The following NSL1 variants were observed in gnomAD, a reference collection of about 807,000 sequenced individuals.
The protein encoded by NSL1 is kinetochore-associated protein NSL1 homolog.
A neutral mutation model predicts 25.4 loss-of-function variants in NSL1; 11 were observed. The observed-to-expected ratio is 0.43, with a 90% CI of 0.27 to 0.72. The LOEUF (loss-of-function observed/expected upper bound fraction) is 0.72. Ranked by LOEUF, NSL1 falls within the 30% of genes least tolerant of loss-of-function variation. NSL1 has a pLI of 0.19. For synonymous variants in NSL1, 118 were observed against 120.6 expected, an observed-to-expected ratio of 0.98 and a Z score of 0.14; for missense variants, 330 against 342.7, an observed-to-expected ratio of 0.96 and a Z score of 0.29.
At chr1:212,787,265 G>A (rs1332119791) in intron 2 of NSL1, among the ~76,000 whole-genome samples, 1 of 152,040 alleles carries the variant, frequency 6.6e-6, no homozygotes, top group Non-Finnish European at 1.5e-5. Flanking sequence ...ACTTTTAAGG[G>A]TACTTCACTA....
chr1:212,726,284 A>G lies in NSL1; in HGVS notation c.*12124T>C, dbSNP rs1657781977. ...CTCTCTGGAAGAAAATGAAAGGATC[A>G]GATGTCCCCCATAAACAACTACTCT... On this transcript the variant is annotated 3_prime_UTR_variant, in exon 6 of 6. Transcript: ENST00000366977. The G allele has an allele frequency of 6.6e-6, 1 of 152,252 alleles. No homozygotes were observed. The highest frequency in any genetic ancestry group is 2.4e-5 in the African/African-American group (1 of 41,460). 9.4% of individuals were successfully genotyped at this position (152,252 alleles called of 1,614,324 possible). A position where few individuals can be genotyped will look rare whatever the true frequency, so the allele number is the denominator to read the frequency against.
intron 4 of NSL1, among the ~76,000 whole-genome samples, chr1:212,771,956 T>G (rs1395260530): frequency 1.3e-5 from 2 of 152,162 alleles, no homozygotes; most frequent in Non-Finnish European, 2.9e-5. Flanking sequence ...TGGTGGGAGA[T>G]AATTGAATCA....
chr1:212,747,128 CAAAA>C (rs138411233), intron 4 of NSL1, among the ~76,000 whole-genome samples: 5 of 128,246 alleles, frequency 3.9e-5, no homozygotes, highest in Admixed American at 7.6e-5. Context: ...GGCGACAGAG[CAAAA>C]AAAAAAAAAA....
chr1:212,779,418 C>T (rs1486056747), intron 4 of NSL1, among the ~76,000 whole-genome samples: 50 of 115,908 alleles, frequency 4.3e-4, no homozygotes, highest in African/African-American at 5.2e-4. Flanking sequence ...CCGCCCCGTC[C>T]GGGAGGTGAG....
At position 212,761,971 on chromosome 1, in the gene NSL1, T is replaced by TAA. The variant is rs34216305; in HGVS notation, c.499+20399_499+20400dup. Among the ~76,000 whole-genome samples the TAA allele has an allele frequency of 1.4e-4, 15 of 105,656 alleles. No individual in the cohort carries two copies. The East Asian group carries it at 1.6e-3, about 11-fold the overall frequency. 69.3% of individuals were successfully genotyped at this position (105,656 alleles called of 152,430 possible). ...GTAACACTAATGACAGCTGATGAGC[T>TAA]AAAAAAAAAAAAAAAAAAAAAAATC... is the stretch of plus-strand genomic sequence containing the variant. On this transcript the variant is annotated intron_variant, in intron 4 of 5. Coordinates refer to ENST00000366977, the MANE Select transcript of NSL1 (RefSeq NM_015471.4).
In NSL1 at chr1:212,737,638, A is replaced by G; in HGVS notation, c.*770T>C. 1 of 947,014 alleles carries G rather than the reference A, an allele frequency of 1.1e-6. No individual in the cohort carries two copies. Among genetic ancestry groups the G allele is most frequent in the South Asian group, 4.9e-5 (1 of 20,526 alleles). 58.7% of individuals were successfully genotyped at this position (947,014 alleles called of 1,614,324 possible). A position where few individuals can be genotyped will look rare whatever the true frequency, so the allele number is the denominator to read the frequency against. On this transcript the variant is annotated 3_prime_UTR_variant, in exon 6 of 6. Transcript: ENST00000366977. ...CTTTGCCAGTGTATTAATCTGATATATATTTTGAACTGGAATGATTTGTAA... is the reference window on the plus strand; with the variant it reads ...CTTTGCCAGTGTATTAATCTGATATGTATTTTGAACTGGAATGATTTGTAA...
At chr1:212,772,621 G>A (rs1421108605) in intron 4 of NSL1, among the ~76,000 whole-genome samples, 2 of 152,110 alleles carry the variant, frequency 1.3e-5, no homozygotes, top group African/African-American at 4.8e-5. Flanking sequence ...AGGTTGCAGT[G>A]AGCTGAGACT....
In NSL1 at chr1:212,727,079, C is replaced by G. The variant is rs930488241; in HGVS notation, c.*11329G>C. ...CGGGCTCTGGGTCACCCAGCTTCATCCTCTTCATCTTGCCAGTTCACCAGA... is the reference window on the plus strand; with the variant it reads ...CGGGCTCTGGGTCACCCAGCTTCATGCTCTTCATCTTGCCAGTTCACCAGA... On this transcript the variant is annotated 3_prime_UTR_variant, in exon 6 of 6. Transcript: ENST00000366977. 9.3e-5 allele frequency: 138 copies of G among 1,478,598 alleles called. No individual in the cohort carries two copies. Among genetic ancestry groups the G allele is most frequent in the Admixed American group, 8.6e-5 (4 of 46,750 alleles). The allele number at this position is 1,478,598 out of a possible 1,614,324, so 91.6% of individuals were successfully genotyped here.
intron 4 of NSL1, among the ~76,000 whole-genome samples, chr1:212,755,435 A>G (rs1319934213): frequency 6.6e-6 from 1 of 151,766 alleles, no homozygotes; most frequent in Admixed American, 6.6e-5. Flanking sequence ...AAAAACAAAA[A>G]TACATATATA....
At chr1:212,779,342 GC>G (rs1179914670) in intron 4 of NSL1, among the ~76,000 whole-genome samples, 3 of 138,278 alleles carry the variant, frequency 2.2e-5, no homozygotes, top group South Asian at 2.3e-4. Flanking sequence ...GGGGGGGTCA[GC>G]CCCCCTCCCG....
chr1:212,791,486 G>A (rs1363924827), intron 1 of NSL1, 44 bp downstream of exon 1: 6 of 1,530,892 alleles, frequency 3.9e-6, no homozygotes, highest in Non-Finnish European at 5.4e-6. Flanking sequence ...CTGGGTGTTG[G>A]GTAAGAGGAT....
Position 212,728,909 on chromosome 1 carries a change from G to A in NSL1, c.*9499C>T. On this transcript the variant is annotated 3_prime_UTR_variant, in exon 6 of 6. Transcript: ENST00000366977. ...GGCCAGAGTCCACCACTCTGGCAAA[G>A]AGCAGTGTTTATTTGTGTGTTTGAA... 1.0e-6 allele frequency: 1 copy of A among 985,378 alleles called. No homozygotes were observed. The highest frequency in any genetic ancestry group is 1.7e-5 in the African/African-American group (1 of 57,344). 61.0% of individuals were successfully genotyped at this position (985,378 alleles called of 1,614,324 possible).
In NSL1 at chr1:212,730,887, T is replaced by G; in HGVS notation, c.*7521A>C. On this transcript the variant is annotated 3_prime_UTR_variant, in exon 6 of 6. Transcript: ENST00000366977. Reference sequence around the variant, plus strand: ...AATGAATATAAATGCCACAAGCCATTAATGTGTGAGATTGTGATCCAGGGA... The same window carrying G: ...AATGAATATAAATGCCACAAGCCATGAATGTGTGAGATTGTGATCCAGGGA... 1 of 985,414 alleles carries G rather than the reference T, an allele frequency of 1.0e-6. No individual in the cohort carries two copies. Among genetic ancestry groups the G allele is most frequent in the Non-Finnish European group, 1.2e-6 (1 of 829,918 alleles). The allele number at this position is 985,414 out of a possible 1,614,324, so 61.0% of individuals were successfully genotyped here.
chr1:212,750,223 T>G (rs1014086979), intron 4 of NSL1, among the ~76,000 whole-genome samples: 9 of 151,750 alleles, frequency 5.9e-5, no homozygotes, highest in Non-Finnish European at 5.9e-5. Context: ...GAGGGTGAGA[T>G]CAATCTAACA....
intron 4 of NSL1, among the ~76,000 whole-genome samples, chr1:212,759,453 C>A (rs1659457904): frequency 6.6e-6 from 1 of 152,092 alleles, no homozygotes; most frequent in South Asian, 2.1e-4. Flanking sequence ...AATGAGAGAT[C>A]CCACATTTCT....
rs369719655 is a variant in NSL1, at chr1:212,730,123, G to A, written c.*8285C>T. ...ATATTAGCCCAGCATGGTAGCACGC[G>A]CCTGTAATCCCAGCTACTCGGGAGG... On this transcript the variant is annotated 3_prime_UTR_variant, in exon 6 of 6. Coordinates refer to ENST00000366977, the MANE Select transcript of NSL1 (RefSeq NM_015471.4). 73 of 800,722 alleles carry A rather than the reference G, an allele frequency of 9.1e-5. No individual in the cohort carries two copies. The highest frequency in any genetic ancestry group is 1.1e-4 in the Non-Finnish European group (71 of 663,544). The allele number at this position is 800,722 out of a possible 1,614,324, so 49.6% of individuals were successfully genotyped here.
At chr1:212,788,999 C>T (rs1004766483) in intron 1 of NSL1, among the ~76,000 whole-genome samples, 4 of 152,022 alleles carry the variant, frequency 2.6e-5, no homozygotes, top group African/African-American at 7.2e-5. Context: ...CAAAATAGTA[C>T]CTTATGTCCT....
At chr1:212,743,142 G>A (rs1658580823) in intron 4 of NSL1, among the ~76,000 whole-genome samples, 1 of 152,164 alleles carries the variant, frequency 6.6e-6, no homozygotes, top group African/African-American at 2.4e-5. Context: ...AGCTCTAGCT[G>A]CAAAGATTTT....
rs971804121 is a variant in NSL1 at position 212,740,465 on chromosome 1, T to G, written c.500-864A>C. ...AAGGAGACAGACAATGGCAACAGGA[T>G]AATCTCAGAAAAGGGTTTTTTTTTT... On this transcript the variant is annotated intron_variant, in intron 4 of 5. Transcript: ENST00000366977. 2.8e-5 allele frequency among the ~76,000 whole-genome samples: 4 copies of G among 143,542 alleles called. No individual in the cohort carries two copies. The East Asian group carries it at 8.0e-4, about 29-fold the overall frequency. 94.2% of individuals were successfully genotyped at this position (143,542 alleles called of 152,430 possible). A position where few individuals can be genotyped will look rare whatever the true frequency, so the allele number is the denominator to read the frequency against.
Sources: allele counts gnomAD v4.1 joint callset (sites outside exome capture counted in the v4.1 genomes callset), GRCh38; gene constraint gnomAD v4.1.1; transcripts MANE v1.5; gene names NCBI Gene and HGNC (gene_info 2026-07-23, HGNC 2026-07-21).